DNAH3: variants seen among roughly 807,000 people sequenced by gnomAD.
The protein encoded by DNAH3 is axonemal beta dynein heavy chain 3.
A neutral mutation model predicts 432.5 loss-of-function variants in DNAH3; 332 were observed. The observed-to-expected ratio is 0.77, with a 90% CI of 0.70 to 0.84. The LOEUF (loss-of-function observed/expected upper bound fraction) is 0.84. Among genes scored for constraint, DNAH3 ranks in the 40% least tolerant of loss-of-function variants. The probability of loss-of-function intolerance (pLI) is 0.00; values close to 1 mark genes in which losing one functional copy is unlikely to be tolerated. For missense variants in DNAH3, 4,861 were observed against 5,114.0 expected (o/e 0.95, Z 1.51); for synonymous variants, 1,956 against 1,900.2 (o/e 1.03, Z -0.76).
intron 20 of DNAH3, among the ~76,000 whole-genome samples, chr16:21,076,710 C>CT (rs527879173): frequency 4.0e-5 from 6 of 151,646 alleles, no homozygotes; most frequent in African/African-American, 9.7e-5. Context: ...TTAATTAATC[C>CT]TTTTTTTTCA....
chr16:20,995,402 A>G (rs2086721124), intron 44 of DNAH3, among the ~76,000 whole-genome samples: 2 of 151,924 alleles, frequency 1.3e-5, no homozygotes, highest in Admixed American at 1.3e-4. Flanking sequence ...GGTAGCTGGG[A>G]TAACAGGTGT....
chr16:21,008,800 G>A (rs557334655), intron 41 of DNAH3, among the ~76,000 whole-genome samples: 5 of 152,282 alleles, frequency 3.3e-5, no homozygotes, highest in African/African-American at 1.2e-4. Context: ...TGGGAGATAC[G>A]CCAGGCCAGA....
rs1293194622 is a variant in DNAH3, at chr16:21,022,103, G to T, written c.5647-3C>A. ...AGCCACATGAACATGTCATTGACCT[G>T]AGAGTAGAAACCTCCATGAGACTTG... On this transcript the variant is annotated splice_region_variant and splice_polypyrimidine_tract_variant and intron_variant, in intron 39 of 61. Coordinates refer to ENST00000261383, the Ensembl canonical transcript of DNAH3. 1 of 1,613,742 alleles carries T rather than the reference G, an allele frequency of 6.2e-7. No homozygotes were observed. The highest frequency in any genetic ancestry group is 8.5e-7 in the Non-Finnish European group (1 of 1,179,936).
At chr16:20,977,944 G>T (rs2085670769) in intron 50 of DNAH3, among the ~76,000 whole-genome samples, 1 of 152,154 alleles carries the variant, frequency 6.6e-6, no homozygotes, top group African/African-American at 2.4e-5. Context: ...AGCAACAGAG[G>T]CCATTTCCAA....
exon 17 of DNAH3, chr16:21,098,732 T>C (rs769848516): frequency 1.9e-6 from 3 of 1,613,670 alleles, no homozygotes; most frequent in Non-Finnish European, 2.5e-6. Flanking sequence ...TCCAGTTCTC[T>C]GTGGTAGCCC....
intron 51 of DNAH3, among the ~76,000 whole-genome samples, chr16:20,972,012 T>C (rs2085362594): frequency 1.3e-5 from 2 of 152,162 alleles, no homozygotes; most frequent in African/African-American, 4.8e-5. Flanking sequence ...CACAGAAACA[T>C]TAAAGAGTTG....
intron 35 of DNAH3, 147 bp downstream of exon 35, chr16:21,036,567 A>G (rs2089180004): frequency 4.0e-6 from 3 of 758,956 alleles, no homozygotes; most frequent in Non-Finnish European, 6.4e-6. Context: ...GGCATAGGCC[A>G]TTACGCCCAG....
intron 7 of DNAH3, among the ~76,000 whole-genome samples, chr16:21,128,842 G>C (rs1300220891): frequency 6.9e-6 from 1 of 144,710 alleles, no homozygotes; most frequent in Non-Finnish European, 1.5e-5. Flanking sequence ...CTGGGTGACA[G>C]AGCAACACCC....
intron 7 of DNAH3, among the ~76,000 whole-genome samples, chr16:21,131,044 G>C (rs2092546209): frequency 6.6e-6 from 1 of 152,116 alleles, no homozygotes; most frequent in Non-Finnish European, 1.5e-5. Context: ...TTTGCATGTA[G>C]AACACAGGGT....
chr16:20,988,176 A>AGCTGT (rs2086304487), intron 44 of DNAH3, 111 bp from the exon 45 acceptor site: 1 of 1,442,518 alleles, frequency 6.9e-7, no homozygotes, highest in Non-Finnish European at 9.4e-7. Context: ...CATGTTCCAG[A>AGCTGT]GCTGTGCTGT....
Position 21,042,008 on chromosome 16 carries a change from T to A in DNAH3, c.4638+19A>T. 6.2e-7 allele frequency: 1 copy of A among 1,613,440 alleles called. No homozygotes were observed. The highest frequency in any genetic ancestry group is 8.5e-7 in the Non-Finnish European group (1 of 1,179,842). On this transcript the variant is annotated intron_variant, in intron 32 of 61. Transcript: ENST00000261383. ...TATTCTAAAAAGCACACCCCACATG[T>A]ATATCTGCTGGCATTTACCTTGAGA... is the stretch of plus-strand genomic sequence containing the variant.
intron 41 of DNAH3, among the ~76,000 whole-genome samples, chr16:21,014,533 A>C (rs2087768195): frequency 6.6e-6 from 1 of 152,188 alleles, no homozygotes; most frequent in Admixed American, 6.5e-5. Context: ...CTTTCCTCCT[A>C]AGACTGGGAG....
intron 52 of DNAH3, 55 bp downstream of exon 52, chr16:20,969,737 C>A (rs536760913): frequency 1.3e-6 from 2 of 1,574,720 alleles, no homozygotes; most frequent in African/African-American, 1.3e-5. Flanking sequence ...GGTGCTGGCA[C>A]CCCACTGCCA....
intron 42 of DNAH3, among the ~76,000 whole-genome samples, chr16:21,001,631 C>T (rs991697577): frequency 6.6e-6 from 1 of 152,150 alleles, no homozygotes; most frequent in Non-Finnish European, 1.5e-5. Flanking sequence ...GTAACAGGTG[C>T]TTAAGTATGG....
intron 27 of DNAH3, 87 bp from the exon 28 acceptor site, chr16:21,054,621 G>A (rs908928257): frequency 6.9e-6 from 7 of 1,015,330 alleles, no homozygotes; most frequent in South Asian, 1.5e-5. Flanking sequence ...ATGGACCACC[G>A]GATGGCTCAA....
chr16:20,964,137 G>C (rs1185333111), exon 53 of DNAH3: 1 of 1,614,182 alleles, frequency 6.2e-7, no homozygotes, highest in Non-Finnish European at 8.5e-7. Flanking sequence ...TGTTACCCTT[G>C]GACATGGAGA....
At chr16:20,983,702 G>A (rs1360731891) in intron 48 of DNAH3, among the ~76,000 whole-genome samples, 3 of 152,006 alleles carry the variant, frequency 2.0e-5, no homozygotes, top group Non-Finnish European at 4.4e-5. Flanking sequence ...CTAGGTGGAA[G>A]TGAAAGGTCA....
In DNAH3 at chr16:21,039,632, G is replaced by C. The variant is rs145551149; in HGVS notation, c.4730+220C>G. Among the ~76,000 whole-genome samples, 266 of 152,232 alleles carry C rather than the reference G, an allele frequency of 1.7e-3. 1 individual carries two copies. Among genetic ancestry groups the C allele is most frequent in the African/African-American group, 6.2e-3 (258 of 41,512 alleles). On this transcript the variant is annotated intron_variant, in intron 33 of 61. Coordinates refer to ENST00000261383, the Ensembl canonical transcript of DNAH3. ...TTAACAGAACTCAGGTGTATGTAAA[G>C]AGACAGCAGGGTTCCGCCCTGGGAA...
At chr16:21,072,835 T>G (rs963596054) in intron 21 of DNAH3, among the ~76,000 whole-genome samples, 8 of 147,594 alleles carry the variant, frequency 5.4e-5, no homozygotes, top group Admixed American at 2.7e-4. Flanking sequence ...TTATTATTAT[T>G]ATTATTACTA....
Sources: gnomAD v4.1 joint callset for allele counts (sites outside exome capture counted in the v4.1 genomes callset) on GRCh38, gnomAD v4.1.1 for gene constraint, MANE v1.5 for transcripts, NCBI Gene and HGNC (gene_info 2026-07-23, HGNC 2026-07-21) for gene names.